SIPA1L1: variants seen among roughly 807,000 people sequenced by gnomAD.
SIPA1L1 encodes the protein signal-induced proliferation-associated 1-like protein 1.
SIPA1L1 carries 26 observed loss-of-function variants against 162.7 expected under a neutral mutation model. The ratio of observed to expected loss-of-function variants is 0.16; its 90% confidence interval spans 0.12 to 0.22. SIPA1L1 has a LOEUF of 0.22. Ranked by LOEUF, SIPA1L1 falls within the 10% of genes least tolerant of loss-of-function variation. The pLI, the probability that SIPA1L1 is intolerant of heterozygous loss-of-function variation, is 1.00. For synonymous variants in SIPA1L1, 829 were observed against 837.4 expected (o/e 0.99, Z 0.17); for missense variants, 1,874 against 2,241.0 (o/e 0.84, Z 3.31).
chr14:71,414,254 C>G (rs906637020), intron 2 of SIPA1L1, among the ~76,000 whole-genome samples: 3 of 152,122 alleles, frequency 2.0e-5, no homozygotes, highest in African/African-American at 7.2e-5. Flanking sequence ...TGGCACACAC[C>G]TGTAATCTCA....
chr14:71,655,347 A>G (rs1227336521), intron 8 of SIPA1L1, among the ~76,000 whole-genome samples: 1 of 152,170 alleles, frequency 6.6e-6, no homozygotes, highest in Admixed American at 6.5e-5. Context: ...TATATGTACC[A>G]TGTTTCCTTT....
intron 2 of SIPA1L1, among the ~76,000 whole-genome samples, chr14:71,419,064 A>G (rs571837469): frequency 6.6e-6 from 1 of 152,186 alleles, no homozygotes; most frequent in African/African-American, 2.4e-5. Flanking sequence ...TCAGCCTCTC[A>G]GAGCAGGGGT....
chr14:71,560,788 T>C (rs2056726399), intron 4 of SIPA1L1, among the ~76,000 whole-genome samples: 1 of 152,206 alleles, frequency 6.6e-6, no homozygotes, highest in Non-Finnish European at 1.5e-5. Flanking sequence ...GAGGACAGTA[T>C]GTATTAGATA....
chr14:71,594,584 C>G (rs1405265378), intron 5 of SIPA1L1, among the ~76,000 whole-genome samples: 1 of 152,070 alleles, frequency 6.6e-6, no homozygotes. Flanking sequence ...TGGTAAACTC[C>G]AAGGTCAATG....
chr14:71,617,173 C>G (rs182409461), intron 5 of SIPA1L1, among the ~76,000 whole-genome samples: 1 of 152,262 alleles, frequency 6.6e-6, no homozygotes, highest in Admixed American at 6.5e-5. Flanking sequence ...CTATTTCTGT[C>G]TCCTCCCTTT....
At chr14:71,476,093 C>T (rs529847763) in intron 2 of SIPA1L1, among the ~76,000 whole-genome samples, 2 of 152,320 alleles carry the variant, frequency 1.3e-5, no homozygotes, top group Admixed American at 6.5e-5. Context: ...AGTGCAGATG[C>T]TCCTGCTGAA....
At chr14:71,665,547 AAAG>A (rs1165675852) in intron 10 of SIPA1L1, among the ~76,000 whole-genome samples, 10 of 152,328 alleles carry the variant, frequency 6.6e-5, no homozygotes, top group South Asian at 2.1e-4. Flanking sequence ...GAAGCAAAAA[AAAG>A]AAGAAGGAGC....
intron 4 of SIPA1L1, among the ~76,000 whole-genome samples, chr14:71,555,289 G>A (rs946816163): frequency 6.6e-6 from 1 of 152,172 alleles, no homozygotes; most frequent in Admixed American, 6.5e-5. Context: ...ATAACTTGCT[G>A]GTGAGCTTGC....
chr14:71,594,848 G>T (rs1390655624), intron 5 of SIPA1L1, among the ~76,000 whole-genome samples: 2 of 152,208 alleles, frequency 1.3e-5, no homozygotes, highest in Non-Finnish European at 2.9e-5. Flanking sequence ...GGCACTAAAT[G>T]CCTTCCTGAG....
At chr14:71,567,860 A>G (rs1319072824) in intron 4 of SIPA1L1, among the ~76,000 whole-genome samples, 2 of 152,038 alleles carry the variant, frequency 1.3e-5, no homozygotes, top group Non-Finnish European at 2.9e-5. Context: ...TGAGGTGGAC[A>G]ATTTCCAGAA....
chr14:71,659,028 A>G (rs2043291079), intron 9 of SIPA1L1, among the ~76,000 whole-genome samples: 1 of 152,230 alleles, frequency 6.6e-6, no homozygotes, highest in Non-Finnish European at 1.5e-5. Context: ...AGGTAGTAAA[A>G]TGTGGAAACT....
intron 6 of SIPA1L1, among the ~76,000 whole-genome samples, chr14:71,620,706 G>T (rs2039341548): frequency 1.3e-5 from 2 of 152,078 alleles, no homozygotes; most frequent in Admixed American, 6.5e-5. Context: ...CCCAGCCCCT[G>T]TCTCCTACCT....
intron 5 of SIPA1L1, among the ~76,000 whole-genome samples, chr14:71,614,554 T>C (rs1259084963): frequency 1.3e-5 from 2 of 152,370 alleles, no homozygotes; most frequent in South Asian, 2.1e-4. Flanking sequence ...TGATGAAGAC[T>C]GGCTGGAAAA....
At chr14:71,668,265 G>A (rs1422761663) in intron 10 of SIPA1L1, among the ~76,000 whole-genome samples, 2 of 152,168 alleles carry the variant, frequency 1.3e-5, no homozygotes, top group Non-Finnish European at 2.9e-5. Flanking sequence ...GGAGTAGGAG[G>A]TTTGAAAGCA....
chr14:71,645,755 C>T (rs1032980702), intron 7 of SIPA1L1, among the ~76,000 whole-genome samples: 5 of 152,042 alleles, frequency 3.3e-5, no homozygotes, highest in Admixed American at 6.5e-5. Flanking sequence ...TGCATATGTC[C>T]GTGGAAAATA....
At chr14:71,390,835 G>A (rs558954682) in intron 2 of SIPA1L1, among the ~76,000 whole-genome samples, 1 of 152,038 alleles carries the variant, frequency 6.6e-6, no homozygotes, top group East Asian at 1.9e-4. Context: ...ATCTGCTTGC[G>A]TGTCCCTTCC....
At chr14:71,361,513 C>T (rs927089506) in intron 2 of SIPA1L1, among the ~76,000 whole-genome samples, 2 of 152,206 alleles carry the variant, frequency 1.3e-5, no homozygotes, top group Non-Finnish European at 2.9e-5. Flanking sequence ...ACCTGGGCCC[C>T]TCACTTTATC....
Position 71,620,092 on chromosome 14 carries a change from A to G in SIPA1L1, c.1629+1205A>G, listed in dbSNP as rs541879838. Among the ~76,000 whole-genome samples, 4 of 152,298 alleles carry G rather than the reference A, an allele frequency of 2.6e-5. No individual in the cohort carries two copies. The South Asian group carries it at 8.3e-4, about 32-fold the overall frequency. On this transcript the variant is annotated intron_variant, in intron 6 of 23. Transcript: ENST00000381232. The stretch of plus-strand genomic sequence containing the variant: ...GTTTGTTTGTTTGTTTGTTTTTGAG[A>G]CAGAGTTTCACTCGTTACCCAGGCT...
At chr14:71,547,191 A>C (rs538917913) in intron 4 of SIPA1L1, among the ~76,000 whole-genome samples, 6 of 152,152 alleles carry the variant, frequency 3.9e-5, no homozygotes, top group African/African-American at 1.4e-4. Flanking sequence ...AATGTTTTTG[A>C]ATGAATGAAC....
Sources: allele counts gnomAD v4.1 joint callset (sites outside exome capture counted in the v4.1 genomes callset), GRCh38; gene constraint gnomAD v4.1.1; transcripts MANE v1.5; gene names NCBI Gene and HGNC (gene_info 2026-07-23, HGNC 2026-07-21).